Variants in GRK3 observed in about 807,000 individuals in gnomAD.
The protein encoded by GRK3 is adrenergic, beta, receptor kinase 2.
Under a neutral mutation model 95.7 loss-of-function variants are expected in GRK3, and 54 were observed. That is an observed-to-expected ratio of 0.56 (90% CI 0.45 to 0.71). The LOEUF is 0.71. Among genes scored for constraint, GRK3 ranks in the 30% least tolerant of loss-of-function variants. The pLI, the probability that GRK3 is intolerant of heterozygous loss-of-function variation, is 0.00. For missense variants in GRK3, 649 were observed against 851.2 expected (o/e 0.76, Z 2.96); for synonymous variants, 281 against 290.8 (o/e 0.97, Z 0.34).
intron 1 of GRK3, among the ~76,000 whole-genome samples, chr22:25,590,184 T>A (rs1435773042): frequency 1.3e-5 from 2 of 152,210 alleles, no homozygotes; most frequent in Non-Finnish European, 2.9e-5. Context: ...TAAATATTTC[T>A]ATATGCATTC....
At chr22:25,621,319 T>G (rs2084584502) in intron 2 of GRK3, among the ~76,000 whole-genome samples, 1 of 152,238 alleles carries the variant, frequency 6.6e-6, no homozygotes. Context: ...AACCTCTGGG[T>G]TATGGGCACC....
intron 3 of GRK3, among the ~76,000 whole-genome samples, chr22:25,651,268 C>G (rs1422672513): frequency 1.3e-5 from 2 of 152,138 alleles, no homozygotes; most frequent in Non-Finnish European, 2.9e-5. Context: ...AAAATACTCT[C>G]TTACAGTCAC....
chr22:25,606,948 C>T (rs190623912), intron 2 of GRK3, among the ~76,000 whole-genome samples: 2 of 152,164 alleles, frequency 1.3e-5, no homozygotes, highest in African/African-American at 2.4e-5. Flanking sequence ...TGGTAATACA[C>T]ATGAAGCCCT....
chr22:25,603,552 T>C (rs1313019897), intron 1 of GRK3, among the ~76,000 whole-genome samples: 1 of 152,248 alleles, frequency 6.6e-6, no homozygotes, highest in Non-Finnish European at 1.5e-5. Context: ...GTATCTTTAT[T>C]CTCTTTCTTC....
At chr22:25,686,699 T>C (rs2085117199) in intron 10 of GRK3, among the ~76,000 whole-genome samples, 1 of 152,200 alleles carries the variant, frequency 6.6e-6, no homozygotes, top group South Asian at 2.1e-4. Context: ...AGCGTTTTAT[T>C]ATGAAAAATT....
chr22:25,603,354 T>C (rs1173788042), intron 1 of GRK3, among the ~76,000 whole-genome samples: 1 of 152,234 alleles, frequency 6.6e-6, no homozygotes, highest in Non-Finnish European at 1.5e-5. Flanking sequence ...TTCTACTTTT[T>C]CCATTTGGAT....
At chr22:25,648,953 A>C in intron 3 of GRK3, 1 of 932,536 alleles carries the variant, frequency 1.1e-6, no homozygotes, top group South Asian at 1.3e-5. Context: ...GTGGGTTTAC[A>C]ATAAAGTCTG....
At chr22:25,648,164 C>T (rs576611833) in intron 3 of GRK3, 28 of 676,844 alleles carry the variant, frequency 4.1e-5, no homozygotes, top group East Asian at 2.5e-4. Flanking sequence ...AACGAGAGAG[C>T]GAAACTACTA....
intron 13 of GRK3, 147 bp from the exon 14 acceptor site, chr22:25,703,363 G>A: frequency 1.7e-6 from 1 of 587,486 alleles, no homozygotes; most frequent in Non-Finnish European, 3.0e-6. Context: ...GTTCTTCCAT[G>A]GAAATGATAA....
At chr22:25,658,654 T>C (rs1263619261) in intron 3 of GRK3, among the ~76,000 whole-genome samples, 1 of 152,222 alleles carries the variant, frequency 6.6e-6, no homozygotes, top group African/African-American at 2.4e-5. Flanking sequence ...GGAGGATTGT[T>C]CTGTTAGGAA....
intron 10 of GRK3, among the ~76,000 whole-genome samples, chr22:25,687,160 A>G (rs1219187960): frequency 6.8e-6 from 1 of 147,522 alleles, no homozygotes; most frequent in Admixed American, 6.8e-5. Context: ...TTTTTTGTCT[A>G]TCCATAGAGC....
At chr22:25,657,742 C>G (rs535467612) in intron 3 of GRK3, among the ~76,000 whole-genome samples, 1 of 151,932 alleles carries the variant, frequency 6.6e-6, no homozygotes, top group South Asian at 2.1e-4. Flanking sequence ...AAATTAGGGG[C>G]CATTACTTCT....
chr22:25,647,424 CT>C, intron 3 of GRK3: 1 of 1,317,368 alleles, frequency 7.6e-7, no homozygotes, highest in Non-Finnish European at 1.1e-6. Context: ...TTTCAGCCGT[CT>C]TTCCATTCCA....
At chr22:25,659,221 GAGA>G (rs2146398847) in intron 3 of GRK3, among the ~76,000 whole-genome samples, 1 of 152,284 alleles carries the variant, frequency 6.6e-6, no homozygotes, top group Admixed American at 6.5e-5. Flanking sequence ...ACAGAAGTCA[GAGA>G]AGAATATTTC....
chr22:25,674,652 A>G (rs2085012415), intron 8 of GRK3, 124 bp downstream of exon 8: 3 of 760,692 alleles, frequency 3.9e-6, no homozygotes, highest in Non-Finnish European at 6.4e-6. Context: ...TTTACCTCCA[A>G]AAGAAATAAG....
chr22:25,690,981 T>C (rs536358309), intron 12 of GRK3, among the ~76,000 whole-genome samples: 2 of 152,292 alleles, frequency 1.3e-5, no homozygotes, highest in Non-Finnish European at 2.9e-5. Flanking sequence ...TGCTTCTGGG[T>C]GTGGCCCTGC....
intron 3 of GRK3, among the ~76,000 whole-genome samples, chr22:25,658,998 A>G (rs1161440454): frequency 6.6e-6 from 1 of 152,116 alleles, no homozygotes; most frequent in African/African-American, 2.4e-5. Context: ...TAGAATCTGG[A>G]GCTCAGGAGT....
rs1348010604 is a variant in GRK3 at position 25,687,640 on chromosome 22, T to G, written c.930T>G (p.Asn310Lys). 3 of 1,614,132 alleles carry G rather than the reference T, an allele frequency of 1.9e-6. No individual in the cohort carries two copies. The highest frequency in any genetic ancestry group is 1.7e-5 in the Admixed American group (1 of 60,020). Residue 310 changes from asparagine to lysine, a missense_variant, in exon 11 of 21, where the codon AAT becomes AAG. Physicochemically the swap from Asn to Lys is moderately conservative, Grantham distance 94 (BLOSUM62 0). Coordinates refer to ENST00000324198, the MANE Select transcript of GRK3 (RefSeq NM_005160.4). ...EIILGLEHMH[N>K]RFVVYRDLKP... ...TTCTGGGTCTGGAACACATGCACAATCGGTTTGTTGTCTACAGAGATTTGA... is the reference window on the plus strand; with the variant it reads ...TTCTGGGTCTGGAACACATGCACAAGCGGTTTGTTGTCTACAGAGATTTGA...
Position 25,674,510 on chromosome 22 carries a change from A to G in GRK3, c.629A>G (p.Lys210Arg). The G allele has an allele frequency of 6.2e-7, 1 of 1,613,380 alleles. No homozygotes were observed. Among genetic ancestry groups the G allele is most frequent in the Non-Finnish European group, 8.5e-7 (1 of 1,179,302 alleles). Residue 210 changes from lysine to arginine, a missense_variant, in exon 8 of 21, where the codon AAA becomes AGA. Physicochemically the swap from Lys to Arg is conservative, Grantham distance 26. Transcript: ENST00000324198. ...GGFGEVYGCR[K>R]ADTGKMYAMK... ...TTCGGGGAAGTTTATGGTTGCAGGAAAGCAGACACTGGAAAAATGTAAGCT... is the reference window on the plus strand; with the variant it reads ...TTCGGGGAAGTTTATGGTTGCAGGAGAGCAGACACTGGAAAAATGTAAGCT...
Sources: allele counts gnomAD v4.1 joint callset (sites outside exome capture counted in the v4.1 genomes callset), GRCh38; gene constraint gnomAD v4.1.1; transcripts MANE v1.5; gene names NCBI Gene and HGNC (gene_info 2026-07-23, HGNC 2026-07-21).